The following MBOAT1 variants were observed in gnomAD, a reference collection of about 807,000 sequenced individuals.
The protein encoded by MBOAT1 is membrane-bound glycerophospholipid O-acyltransferase 1.
A neutral mutation model predicts 64.4 loss-of-function variants in MBOAT1; 67 were observed. The ratio of observed to expected loss-of-function variants is 1.04; its 90% CI spans 0.85 to 1.27. The LOEUF (loss-of-function observed/expected upper bound fraction) is 1.27. Ranked by LOEUF, MBOAT1 falls within the 50% of genes most tolerant of loss-of-function variation. MBOAT1 has a pLI of 0.00. For missense variants in MBOAT1, 563 were observed against 604.6 expected, an observed-to-expected ratio of 0.93 and a Z score of 0.72; for synonymous variants, 229 against 218.9, an observed-to-expected ratio of 1.05 and a Z score of -0.41.
chr6:20,178,745 T>C (rs1762425810), intron 1 of MBOAT1, among the ~76,000 whole-genome samples: 1 of 152,198 alleles, frequency 6.6e-6, no homozygotes, highest in Non-Finnish European at 1.5e-5. Context: ...TCCCTGATTC[T>C]GGACCAGCCA....
intron 1 of MBOAT1, among the ~76,000 whole-genome samples, chr6:20,170,419 C>T (rs567199858): frequency 2.4e-4 from 36 of 152,286 alleles, no homozygotes; most frequent in African/African-American, 7.9e-4. Context: ...TCTTAGCTAA[C>T]GGTGGGGTTG....
chr6:20,122,089 A>G (rs1016038230), intron 8 of MBOAT1, among the ~76,000 whole-genome samples: 1 of 152,082 alleles, frequency 6.6e-6, no homozygotes, highest in Non-Finnish European at 1.5e-5. Context: ...CACTTGAACC[A>G]GGGAGGTGGA....
rs1239839476 is a variant in MBOAT1 at position 20,101,443 on chromosome 6, G to A, written c.*843C>T. ...CCTCTTGGCTCGTAGAGTTTTCAGT[G>A]CCCTGAAACCATGATCCCTCTGCCT... On this transcript the variant is annotated 3_prime_UTR_variant, in exon 13 of 13. Coordinates refer to ENST00000324607, the MANE Select transcript of MBOAT1 (RefSeq NM_001080480.3). Among the ~76,000 whole-genome samples the A allele has an allele frequency of 6.6e-6, 1 of 152,160 alleles. No individual in the cohort carries two copies. Among genetic ancestry groups the A allele is most frequent in the African/African-American group, 2.4e-5 (1 of 41,422 alleles).
chr6:20,108,070 C>T (rs930591612), intron 12 of MBOAT1, among the ~76,000 whole-genome samples: 15 of 152,164 alleles, frequency 9.9e-5, no homozygotes, highest in African/African-American at 3.1e-4. Flanking sequence ...CTTGGGGATA[C>T]GCCTCTCTGA....
intron 1 of MBOAT1, 55 bp downstream of exon 1, chr6:20,212,081 C>T: frequency 1.3e-6 from 2 of 1,537,526 alleles, no homozygotes; most frequent in Admixed American, 3.5e-5. Flanking sequence ...TTCGCCCGCC[C>T]CGTGCACGCG....
chr6:20,159,019 A>G (rs1219252533), intron 1 of MBOAT1, among the ~76,000 whole-genome samples: 1 of 152,226 alleles, frequency 6.6e-6, no homozygotes, highest in African/African-American at 2.4e-5. Context: ...GAAGTTCCTC[A>G]AAAAACTACA....
intron 1 of MBOAT1, among the ~76,000 whole-genome samples, chr6:20,195,113 C>T (rs9465652): frequency 0.04 from 6,129 of 151,964 alleles, 141 homozygotes; most frequent in Middle Eastern, 0.092. Context: ...CCACCATGCC[C>T]GGCTAATTTT....
intron 1 of MBOAT1, 131 bp downstream of exon 1, chr6:20,212,005 A>C (rs112764207): frequency 1.0e-3 from 540 of 529,722 alleles, no homozygotes; most frequent in Middle Eastern, 1.7e-3. Flanking sequence ...CACACACACA[A>C]AAACCAACTG....
In MBOAT1 at chr6:20,131,149, T is replaced by A. The variant is rs1471906009; in HGVS notation, c.470A>T (p.His157Leu). Residue 157 changes from histidine to leucine, a missense_variant, in exon 5 of 13, where the codon CAT becomes CTT. Coordinates refer to ENST00000324607, the MANE Select transcript of MBOAT1 (RefSeq NM_001080480.3). ...QKITTLAFQV[H>L]DGLGRRAEDL... ...AGGAGGGCTGCTGTTCTTACCATCATGAACCTGGAATGCCAAGGTTGTGAT... is the reference window on the plus strand; with the variant it reads ...AGGAGGGCTGCTGTTCTTACCATCAAGAACCTGGAATGCCAAGGTTGTGAT... 6.2e-7 allele frequency: 1 copy of A among 1,613,794 alleles called. No individual in the cohort carries two copies. Among genetic ancestry groups the A allele is most frequent in the South Asian group, 1.1e-5 (1 of 91,084 alleles).
chr6:20,121,467 G>C (rs565224749), intron 8 of MBOAT1, among the ~76,000 whole-genome samples: 2 of 152,190 alleles, frequency 1.3e-5, no homozygotes, highest in Non-Finnish European at 2.9e-5. Context: ...GCATGGGGGG[G>C]AGTAAAAGAG....
chr6:20,109,698 C>G lies in MBOAT1; in HGVS notation c.1261G>C (p.Val421Leu). 6.2e-7 allele frequency: 1 copy of G among 1,614,156 alleles called. No individual in the cohort carries two copies. The highest frequency in any genetic ancestry group is 8.5e-7 in the Non-Finnish European group (1 of 1,180,028). Residue 421 changes from valine (V) to leucine (L), a missense_variant, in exon 12 of 13, where the codon GTG (valine) becomes CTG (leucine). Physicochemically the swap from Val to Leu is conservative, Grantham distance 32. Transcript: ENST00000324607. ...ACGGCCCAGGTGCCTGCATCATACACAGCCTTGAGAGCTCTTGAAGAAAGG... is the reference window on the plus strand; with the variant it reads ...ACGGCCCAGGTGCCTGCATCATACAGAGCCTTGAGAGCTCTTGAAGAAAGG... ...YFLSSRALKA[V>L]YDAGTWAVTQ... is the part of the protein sequence containing the mutation.
At chr6:20,147,366 G>A (rs1161829276) in intron 3 of MBOAT1, among the ~76,000 whole-genome samples, 2 of 152,246 alleles carry the variant, frequency 1.3e-5, no homozygotes, top group Non-Finnish European at 2.9e-5. Context: ...GAGGCTGGGT[G>A]TGATGGCTCA....
At chr6:20,111,885 T>TATACATATATATATAC (rs1166548543) in intron 11 of MBOAT1, among the ~76,000 whole-genome samples, 67 of 140,890 alleles carry the variant, frequency 4.8e-4, no homozygotes, top group African/African-American at 7.3e-4. Flanking sequence ...TATATGTATA[T>TATACATATATATATAC]ATATATATTC....
At chr6:20,147,650 A>G (rs1219606898) in intron 3 of MBOAT1, among the ~76,000 whole-genome samples, 1 of 152,070 alleles carries the variant, frequency 6.6e-6, no homozygotes, top group African/African-American at 2.4e-5. Context: ...AAAAAAAAAA[A>G]AAAGAGACTG....
intron 3 of MBOAT1, among the ~76,000 whole-genome samples, chr6:20,148,951 AT>A (rs1761408497): frequency 6.6e-6 from 1 of 151,980 alleles, no homozygotes; most frequent in Admixed American, 6.6e-5. Flanking sequence ...AAATACAAAA[AT>A]TAGCCAGGTG....
At chr6:20,156,192 A>G in intron 1 of MBOAT1, among the ~76,000 whole-genome samples, 1 of 150,978 alleles carries the variant, frequency 6.6e-6, no homozygotes, top group African/African-American at 2.4e-5. Flanking sequence ...AATGGCGCGA[A>G]CCTGGGAGGC....
At chr6:20,121,990 C>T (rs1189866377) in intron 8 of MBOAT1, among the ~76,000 whole-genome samples, 2 of 151,912 alleles carry the variant, frequency 1.3e-5, no homozygotes, top group African/African-American at 2.4e-5. Context: ...CATGGTGAAA[C>T]TCCGTCTCTA....
chr6:20,127,410 C>G (rs1420612038), intron 6 of MBOAT1, among the ~76,000 whole-genome samples: 1 of 152,212 alleles, frequency 6.6e-6, no homozygotes, highest in African/African-American at 2.4e-5. Context: ...GGGGCTCAGA[C>G]TGGTATTGGT....
intron 2 of MBOAT1, among the ~76,000 whole-genome samples, chr6:20,152,367 T>A (rs7773570): frequency 0.1 from 9,112 of 89,972 alleles, 347 homozygotes; most frequent in Middle Eastern, 0.15. Context: ...ATAAATAAAT[T>A]AATTAATTAA....
Sources: allele counts gnomAD v4.1 joint callset (sites outside exome capture counted in the v4.1 genomes callset), GRCh38; gene constraint gnomAD v4.1.1; transcripts MANE v1.5; gene names NCBI Gene and HGNC (gene_info 2026-07-23, HGNC 2026-07-21).